The following DNM3 variants were observed in gnomAD, a reference collection of about 807,000 sequenced individuals.
DNM3 encodes the protein dynamin 3, also known as dynamin-3.
DNM3 carries 47 observed loss-of-function variants against 101.6 expected under a neutral mutation model. That is an observed-to-expected ratio of 0.46 (90% CI 0.37 to 0.59). The LOEUF (loss-of-function observed/expected upper bound fraction) is 0.59. Among genes scored for constraint, DNM3 ranks in the 20% least tolerant of loss-of-function variants. The pLI, the probability that DNM3 is intolerant of heterozygous loss-of-function variation, is 0.00. For missense variants in DNM3, 849 were observed against 1,085.7 expected (o/e 0.78, Z 3.06); for synonymous variants, 385 against 387.9 (o/e 0.99, Z 0.09).
chr1:172,315,579 T>G (rs2065298963), intron 16 of DNM3, among the ~76,000 whole-genome samples: 1 of 152,076 alleles, frequency 6.6e-6, no homozygotes, highest in African/African-American at 2.4e-5. Context: ...GCTCGAGAAC[T>G]ACGTGAAGAA....
intron 13 of DNM3, among the ~76,000 whole-genome samples, chr1:172,105,538 C>G (rs1435823328): frequency 6.6e-6 from 1 of 152,152 alleles, no homozygotes; most frequent in Admixed American, 6.5e-5. Flanking sequence ...TTAATAACTG[C>G]TAGGTTTTTC....
intron 2 of DNM3, among the ~76,000 whole-genome samples, chr1:171,986,793 TG>T (rs1394333389): frequency 1.3e-5 from 2 of 152,156 alleles, no homozygotes; most frequent in African/African-American, 4.8e-5. Context: ...AATTCTTCAT[TG>T]AGATATTAGA....
chr1:172,285,271 C>T (rs1433138423), intron 15 of DNM3, among the ~76,000 whole-genome samples: 2 of 152,164 alleles, frequency 1.3e-5, no homozygotes, highest in Non-Finnish European at 2.9e-5. Flanking sequence ...CCAAACGAAT[C>T]ACTCTATAGC....
chr1:172,344,218 C>T (rs956692591), intron 17 of DNM3, among the ~76,000 whole-genome samples: 8 of 152,184 alleles, frequency 5.3e-5, no homozygotes, highest in Non-Finnish European at 1.0e-4. Context: ...GCAAAAAATG[C>T]CTCTCATTGG....
chr1:172,408,050 C>T lies in DNM3; in HGVS notation c.*209C>T. 1 of 1,416,442 alleles carries T rather than the reference C, an allele frequency of 7.1e-7. No individual in the cohort carries two copies. The allele number at this position is 1,416,442 out of a possible 1,614,324, so 87.7% of individuals were successfully genotyped here. A position where few individuals can be genotyped will look rare whatever the true frequency, so the allele number is the denominator to read the frequency against. Reference sequence around the variant, plus strand: ...TCAGAAACTGCTAACCTTTTAGAGGCTTTATATGTTGTACTGACCAAGGTA... The same window carrying T: ...TCAGAAACTGCTAACCTTTTAGAGGTTTTATATGTTGTACTGACCAAGGTA... On this transcript the variant is annotated 3_prime_UTR_variant, in exon 21 of 21. Transcript: ENST00000627582.
intron 14 of DNM3, among the ~76,000 whole-genome samples, chr1:172,160,952 G>A (rs921892928): frequency 5.9e-5 from 9 of 151,854 alleles, no homozygotes; most frequent in African/African-American, 1.9e-4. Context: ...TGTATATGCA[G>A]TCTGTCATTG....
chr1:172,067,568 A>G (rs2051787457), intron 10 of DNM3, among the ~76,000 whole-genome samples: 1 of 151,900 alleles, frequency 6.6e-6, no homozygotes. Context: ...GCCTTCACAC[A>G]TGTTCCTGTT....
intron 6 of DNM3, among the ~76,000 whole-genome samples, chr1:172,034,066 A>G (rs1313796356): frequency 6.6e-6 from 1 of 152,194 alleles, no homozygotes; most frequent in Non-Finnish European, 1.5e-5. Context: ...TCAATCAAGT[A>G]GATTTCTGAT....
At chr1:172,359,436 T>C (rs1215115436) in intron 17 of DNM3, among the ~76,000 whole-genome samples, 2 of 151,794 alleles carry the variant, frequency 1.3e-5, no homozygotes, top group African/African-American at 4.8e-5. Flanking sequence ...ATCTTGAAGA[T>C]TTTTTTTGTC....
intron 2 of DNM3, among the ~76,000 whole-genome samples, chr1:171,977,809 T>C (rs987865240): frequency 1.3e-5 from 2 of 152,236 alleles, no homozygotes; most frequent in East Asian, 3.9e-4. Context: ...TTTTTGGTTG[T>C]CATTTCATAT....
At chr1:172,133,043 G>C in intron 14 of DNM3, 2 of 1,483,276 alleles carry the variant, frequency 1.3e-6, no homozygotes, top group Non-Finnish European at 1.8e-6. Context: ...AGTTGTCCAA[G>C]CCAACCTCAT....
chr1:171,859,958 G>A (rs544739565), intron 1 of DNM3, among the ~76,000 whole-genome samples: 4 of 152,272 alleles, frequency 2.6e-5, no homozygotes, highest in African/African-American at 4.8e-5. Flanking sequence ...TGTCTCCAGA[G>A]CTCAGTCGAG....
intron 1 of DNM3, among the ~76,000 whole-genome samples, chr1:171,872,600 A>G (rs569154040): frequency 2.0e-5 from 3 of 152,330 alleles, no homozygotes; most frequent in African/African-American, 7.2e-5. Flanking sequence ...GAGGACACCA[A>G]GAGGATGTCC....
chr1:172,014,800 T>C (rs1226376748), intron 4 of DNM3, among the ~76,000 whole-genome samples: 2 of 152,120 alleles, frequency 1.3e-5, no homozygotes, highest in Admixed American at 6.6e-5. Context: ...TTTAATAAAG[T>C]CCCCTTATTG....
intron 4 of DNM3, among the ~76,000 whole-genome samples, chr1:172,028,416 C>T (rs1185841267): frequency 3.9e-5 from 6 of 152,166 alleles, no homozygotes; most frequent in Non-Finnish European, 8.8e-5. Flanking sequence ...ACAGCTAAAG[C>T]AGTGTTTATA....
chr1:171,987,572 T>C (rs2045348753), intron 2 of DNM3, 84 bp from the exon 3 acceptor site: 4 of 1,363,882 alleles, frequency 2.9e-6, no homozygotes, highest in South Asian at 3.1e-5. Flanking sequence ...TATTGGATAC[T>C]TTGACTTATA....
chr1:172,151,117 C>A (rs1374142099), intron 14 of DNM3, among the ~76,000 whole-genome samples: 1 of 152,076 alleles, frequency 6.6e-6, no homozygotes, highest in African/African-American at 2.4e-5. Context: ...TATATTTAAA[C>A]TAGATCATCT....
chr1:172,392,867 C>G (rs988951261), intron 20 of DNM3, among the ~76,000 whole-genome samples: 1 of 152,102 alleles, frequency 6.6e-6, no homozygotes, highest in Non-Finnish European at 1.5e-5. Flanking sequence ...CTGAATCATT[C>G]GAAAGGATTT....
In DNM3 at chr1:171,987,385, A is replaced by C. The variant is rs551066868; in HGVS notation, c.236-271A>C. 3.0e-5 allele frequency: 27 copies of C among 898,262 alleles called. No individual in the cohort carries two copies. The African/African-American group carries it at 4.2e-4, about 14-fold the overall frequency. The allele number at this position is 898,262 out of a possible 1,614,324, so 55.6% of individuals were successfully genotyped here. On this transcript the variant is annotated intron_variant, in intron 2 of 20. Transcript: ENST00000627582. ...ATTTGGATAGCCAAAATTTTCTTTA[A>C]ATTATTTAATAGGCTAGATGGTTTA...
Sources: gnomAD v4.1 joint callset for allele counts (sites outside exome capture counted in the v4.1 genomes callset) on GRCh38, gnomAD v4.1.1 for gene constraint, MANE v1.5 for transcripts, NCBI Gene and HGNC (gene_info 2026-07-23, HGNC 2026-07-21) for gene names.